The following GRM5 variants were observed in gnomAD, a reference collection of about 807,000 sequenced individuals.
GRM5 encodes metabotropic glutamate receptor 5.
GRM5 carries 19 observed loss-of-function variants against 83.1 expected under a neutral mutation model. The ratio of observed to expected loss-of-function variants is 0.23; its 90% CI spans 0.16 to 0.34. The LOEUF (loss-of-function observed/expected upper bound fraction) is 0.34. GRM5 is among the 10% of genes least tolerant of loss of function. The pLI is 1.00. For synonymous variants in GRM5, 675 were observed against 633.6 expected (o/e 1.07, Z -0.98); for missense variants, 1,160 against 1,588.3 (o/e 0.73, Z 4.58).
At chr11:88,873,984 A>C (rs956244564) in intron 2 of GRM5, among the ~76,000 whole-genome samples, 4 of 151,786 alleles carry the variant, frequency 2.6e-5, no homozygotes, top group Non-Finnish European at 4.4e-5. Flanking sequence ...TAAATGGATA[A>C]ATTTATGGAT....
Position 88,849,829 on chromosome 11 carries a change from C to T in GRM5, c.911+77G>A, listed in dbSNP as rs1944359086. The T allele has an allele frequency of 3.0e-6, 4 of 1,347,446 alleles. No individual in the cohort carries two copies. The South Asian group carries it at 5.1e-5, about 17-fold the overall frequency. The allele number at this position is 1,347,446 out of a possible 1,614,324, so 83.5% of individuals were successfully genotyped here. On this transcript the variant is annotated intron_variant, in intron 3 of 9. Transcript: ENST00000305447. ...ATTAAGCTTTGAAAGAATTTTTTATCATACACTAAAAGCTACCCTTCAGTG... is the reference window on the plus strand; with the variant it reads ...ATTAAGCTTTGAAAGAATTTTTTATTATACACTAAAAGCTACCCTTCAGTG...
At chr11:88,961,925 G>A (rs944385919) in intron 2 of GRM5, among the ~76,000 whole-genome samples, 4 of 152,186 alleles carry the variant, frequency 2.6e-5, no homozygotes, top group African/African-American at 7.2e-5. Flanking sequence ...AATGATGACT[G>A]TAATAGCAGT....
At chr11:89,015,387 G>C (rs1482570513) in intron 2 of GRM5, among the ~76,000 whole-genome samples, 5 of 152,114 alleles carry the variant, frequency 3.3e-5, no homozygotes, top group Non-Finnish European at 7.3e-5. Context: ...GTATCTGTTG[G>C]CTGGCTGTTT....
chr11:88,720,553 A>G (rs1941509391), intron 3 of GRM5, among the ~76,000 whole-genome samples: 1 of 152,020 alleles, frequency 6.6e-6, no homozygotes. Flanking sequence ...CACCCCACAA[A>G]TCATAGTCAA....
At chr11:88,764,607 T>C (rs2135442248) in intron 3 of GRM5, among the ~76,000 whole-genome samples, 1 of 151,096 alleles carries the variant, frequency 6.6e-6, no homozygotes, top group East Asian at 1.9e-4. Flanking sequence ...AGACAATACA[T>C]GAATCAAAAA....
chr11:88,986,397 G>A (rs1003396931), intron 2 of GRM5, among the ~76,000 whole-genome samples: 1 of 152,128 alleles, frequency 6.6e-6, no homozygotes, highest in Admixed American at 6.5e-5. Flanking sequence ...GTTTCCTAGT[G>A]GTGATGGAAC....
chr11:88,974,878 G>T lies in GRM5; in HGVS notation c.661+72334C>A, dbSNP rs533422550. ...AAGACAAAACTTGGTAAATAATTAG[G>T]TGTAAGAAGTGATTCATAAGAAGTA... is the stretch of plus-strand genomic sequence containing the variant. On this transcript the variant is annotated intron_variant, in intron 2 of 9. Coordinates refer to ENST00000305447, the MANE Select transcript of GRM5 (RefSeq NM_001143831.3). Among the ~76,000 whole-genome samples, 8 of 152,266 alleles carry T rather than the reference G, an allele frequency of 5.3e-5. No individual in the cohort carries two copies. The South Asian group carries it at 1.4e-3, about 28-fold the overall frequency.
At chr11:88,767,110 G>T (rs1942638541) in intron 3 of GRM5, among the ~76,000 whole-genome samples, 1 of 151,838 alleles carries the variant, frequency 6.6e-6, no homozygotes, top group East Asian at 1.9e-4. Flanking sequence ...CAGCCTCCCA[G>T]TATGCTGGGA....
chr11:88,799,000 TA>T (rs545324014), intron 3 of GRM5, among the ~76,000 whole-genome samples: 1 of 151,956 alleles, frequency 6.6e-6, no homozygotes, highest in South Asian at 2.1e-4. Context: ...TTTTCATAAA[TA>T]AATCTCTGTT....
chr11:88,715,930 G>C (rs962831917), intron 3 of GRM5, among the ~76,000 whole-genome samples: 1 of 151,902 alleles, frequency 6.6e-6, no homozygotes, highest in Non-Finnish European at 1.5e-5. Flanking sequence ...TTTTTATCAA[G>C]AGCCCCAGAT....
At chr11:89,032,986 C>A (rs1433072949) in intron 2 of GRM5, among the ~76,000 whole-genome samples, 1 of 151,916 alleles carries the variant, frequency 6.6e-6, no homozygotes, top group African/African-American at 2.4e-5. Flanking sequence ...TTAATGAAGT[C>A]TTTGATTAGC....
chr11:88,530,394 C>T (rs1280346618), intron 8 of GRM5, among the ~76,000 whole-genome samples: 1 of 151,950 alleles, frequency 6.6e-6, no homozygotes, highest in Non-Finnish European at 1.5e-5. Flanking sequence ...TAATAAATTT[C>T]AGAATGACTT....
At chr11:89,060,610 A>G (rs1270199484) in intron 1 of GRM5, among the ~76,000 whole-genome samples, 2 of 152,156 alleles carry the variant, frequency 1.3e-5, no homozygotes, top group African/African-American at 2.4e-5. Context: ...AGCAGGGATG[A>G]GTCTGCACCA....
intron 2 of GRM5, among the ~76,000 whole-genome samples, chr11:88,889,871 C>A (rs1334029588): frequency 6.6e-6 from 1 of 152,080 alleles, no homozygotes; most frequent in African/African-American, 2.4e-5. Context: ...ACAAAAAAAA[C>A]CCTTTCTTTT....
chr11:88,799,778 CTTT>C (rs776146005), intron 3 of GRM5, among the ~76,000 whole-genome samples: 51 of 152,242 alleles, frequency 3.3e-4, no homozygotes, highest in Non-Finnish European at 8.8e-5. Flanking sequence ...AAGATTTCTC[CTTT>C]TTCTTATCCT....
At chr11:88,876,311 C>T (rs1944852898) in intron 2 of GRM5, among the ~76,000 whole-genome samples, 1 of 152,098 alleles carries the variant, frequency 6.6e-6, no homozygotes, top group Admixed American at 6.6e-5. Context: ...AGCTTCCTCA[C>T]CATTCTCAGC....
intron 3 of GRM5, among the ~76,000 whole-genome samples, chr11:88,761,846 A>ACAGACAG (rs1942524203): frequency 2.2e-5 from 1 of 46,292 alleles, no homozygotes; most frequent in Admixed American, 2.2e-4. Flanking sequence ...GTACTGGTAC[A>ACAGACAG]CAGACACATA....
At chr11:88,661,604 G>A (rs537428074) in intron 3 of GRM5, among the ~76,000 whole-genome samples, 1 of 152,108 alleles carries the variant, frequency 6.6e-6, no homozygotes, top group Non-Finnish European at 1.5e-5. Flanking sequence ...AATAGTGGGA[G>A]TCTACGGACT....
chr11:89,009,693 G>A (rs1157839007), intron 2 of GRM5, among the ~76,000 whole-genome samples: 1 of 151,454 alleles, frequency 6.6e-6, no homozygotes, highest in Non-Finnish European at 1.5e-5. Flanking sequence ...TCAGGAGATC[G>A]AGACCATCCT....
Sources: gnomAD v4.1 joint callset for allele counts (sites outside exome capture counted in the v4.1 genomes callset) on GRCh38, gnomAD v4.1.1 for gene constraint, MANE v1.5 for transcripts, NCBI Gene and HGNC (gene_info 2026-07-23, HGNC 2026-07-21) for gene names.